The following MAP2K3 variants were observed in gnomAD, a reference collection of about 807,000 sequenced individuals.
The protein encoded by MAP2K3 is mitogen-activated protein kinase kinase 3.
A neutral mutation model predicts 46.4 loss-of-function variants in MAP2K3; 30 were observed. The ratio of observed to expected loss-of-function variants is 0.65; its 90% CI spans 0.48 to 0.88. The LOEUF (loss-of-function observed/expected upper bound fraction) is 0.88. MAP2K3 is among the 40% of genes least tolerant of loss of function. The pLI is 0.00. For synonymous variants in MAP2K3, 189 were observed against 176.3 expected (o/e 1.07, Z -0.57); for missense variants, 380 against 464.5 (o/e 0.82, Z 1.67).
chr17:21,311,900 TCC>T, intron 9 of MAP2K3: 2 of 445,722 alleles, frequency 4.5e-6, no homozygotes, highest in Non-Finnish European at 7.9e-6. Flanking sequence ...GTCCCACCAG[TCC>T]CGGTGTGGGC....
intron 1 of MAP2K3, among the ~76,000 whole-genome samples, chr17:21,292,717 C>T (rs553282278): frequency 2.3e-3 from 345 of 152,284 alleles, no homozygotes; most frequent in Middle Eastern, 6.8e-3. Context: ...AAACTCCTGA[C>T]CTCAAGTAAT....
intron 1 of MAP2K3, chr17:21,285,353 G>C: frequency 1.1e-6 from 1 of 914,228 alleles, no homozygotes; most frequent in Non-Finnish European, 1.3e-6. Flanking sequence ...CCTTCACCTG[G>C]GTCCTTGGGC....
chr17:21,306,498 T>G (rs1425974577), intron 9 of MAP2K3, among the ~76,000 whole-genome samples: 1 of 152,284 alleles, frequency 6.6e-6, no homozygotes, highest in Non-Finnish European at 1.5e-5. Context: ...GGAATTTTGT[T>G]GTTTTTGACA....
intron 8 of MAP2K3, 36 bp from the exon 9 acceptor site, chr17:21,305,015 G>C (rs1272172951): frequency 6.2e-7 from 1 of 1,613,994 alleles, no homozygotes. Context: ...GGCTTACCTG[G>C]GGCGGGTGTT....
chr17:21,304,354 G>T, intron 7 of MAP2K3, 72 bp from the exon 8 acceptor site: 1 of 1,612,196 alleles, frequency 6.2e-7, no homozygotes, highest in Non-Finnish European at 8.5e-7. Context: ...GGGGGGCACA[G>T]CTATGCAGAG....
chr17:21,298,599 C>A, intron 2 of MAP2K3, 120 bp downstream of exon 2: 2 of 1,505,790 alleles, frequency 1.3e-6, no homozygotes, highest in Non-Finnish European at 1.8e-6. Flanking sequence ...TCCTGGGCAG[C>A]CCCTGCTGTG....
intron 9 of MAP2K3, among the ~76,000 whole-genome samples, chr17:21,307,987 C>T (rs1417304271): frequency 3.3e-5 from 5 of 151,728 alleles, no homozygotes; most frequent in Non-Finnish European, 7.4e-5. Flanking sequence ...TCCCCAGTAG[C>T]TGGGATTATA....
chr17:21,293,658 C>A (rs1976074622), intron 1 of MAP2K3, among the ~76,000 whole-genome samples: 1 of 152,306 alleles, frequency 6.6e-6, no homozygotes, highest in Non-Finnish European at 1.5e-5. Flanking sequence ...CAGGCCCTGG[C>A]CAGGTGGCCT....
Position 21,300,677 on chromosome 17 carries a change from C to T in MAP2K3, c.279+19C>T. The T allele has an allele frequency of 6.2e-7, 1 of 1,602,628 alleles. No homozygotes were observed. The highest frequency in any genetic ancestry group is 2.2e-5 in the East Asian group (1 of 44,478). On this transcript the variant is annotated intron_variant, in intron 4 of 11. Coordinates refer to ENST00000342679, the MANE Select transcript of MAP2K3 (RefSeq NM_145109.3). ...CGTGAAGGTGAGCAGGGCCTGGAGG[C>T]AGCTGGGAGGGCTCCCTGGAGGAGG...
At chr17:21,307,568 G>A (rs1395436148) in intron 9 of MAP2K3, among the ~76,000 whole-genome samples, 1,068 of 76,128 alleles carry the variant, frequency 0.014, no homozygotes, top group African/African-American at 0.034. Context: ...GGTTGGGAGC[G>A]AGCGAAGAGA....
chr17:21,295,938 G>T, intron 1 of MAP2K3: 5 of 1,244,178 alleles, frequency 4.0e-6, no homozygotes, highest in Non-Finnish European at 4.2e-6. Flanking sequence ...AGGGGCTGGG[G>T]GCAAGGTCAA....
At chr17:21,295,089 G>T (rs893670998) in intron 1 of MAP2K3, among the ~76,000 whole-genome samples, 2 of 152,306 alleles carry the variant, frequency 1.3e-5, no homozygotes, top group African/African-American at 4.8e-5. Flanking sequence ...GCAAGACGAC[G>T]TAGTAGCTAG....
At chr17:21,300,440 C>A in intron 3 of MAP2K3, 105 bp from the exon 4 acceptor site, 1 of 1,196,170 alleles carries the variant, frequency 8.4e-7, no homozygotes, top group Non-Finnish European at 1.2e-6. Context: ...GAGCCCAGAT[C>A]TAATCAGCTG....
chr17:21,303,527 T>C (rs1389305384), intron 7 of MAP2K3, among the ~76,000 whole-genome samples: 1 of 152,312 alleles, frequency 6.6e-6, no homozygotes, highest in South Asian at 2.1e-4. Flanking sequence ...CATATAATCA[T>C]GTTCACACCC....
chr17:21,304,432 A>G lies in MAP2K3; in HGVS notation c.575A>G (p.Lys192Arg), dbSNP rs768792966. The part of the protein sequence containing the change: ...SKLSVIHRDV[K>R]PSNVLINKEG... ...GCATGTCCCTCCCTGGCAGATGTGA[A>G]GCCCTCCAATGTCCTTATCAACAAG... Residue 192 changes from lysine (K) to arginine (R), a missense_variant, in exon 8 of 12, where the codon AAG becomes AGG. Lys to Arg is a conservative substitution (Grantham distance 26). Around this residue, in one of 5 missense-constraint regions of MAP2K3, gnomAD observed 294 missense variants for 275.4 expected, o/e 1.07. Transcript: ENST00000342679. 1 of 1,614,318 alleles carries G rather than the reference A, an allele frequency of 6.2e-7. No homozygotes were observed. Among genetic ancestry groups the G allele is most frequent in the Non-Finnish European group, 8.5e-7 (1 of 1,180,058 alleles).
At chr17:21,305,014 G>T (rs746234759) in intron 8 of MAP2K3, 37 bp from the exon 9 acceptor site, 1 of 1,613,592 alleles carries the variant, frequency 6.2e-7, no homozygotes, top group East Asian at 2.2e-5. Flanking sequence ...GGGCTTACCT[G>T]GGGCGGGTGT....
At chr17:21,293,227 C>T in intron 1 of MAP2K3, among the ~76,000 whole-genome samples, 1 of 152,430 alleles carries the variant, frequency 6.6e-6, no homozygotes, top group East Asian at 1.9e-4. Context: ...AGGCTGCACC[C>T]TGATGCCCGC....
In MAP2K3 at chr17:21,303,143, C is replaced by G. The variant is rs767363518; in HGVS notation, c.517-40C>G. The G allele has an allele frequency of 9.3e-6, 15 of 1,613,416 alleles. No homozygotes were observed. The African/African-American group carries it at 1.9e-4, about 20-fold the overall frequency. On this transcript the variant is annotated intron_variant, in intron 6 of 11. Transcript: ENST00000342679. ...TCGTTTTTGACGTGACCAGGAATAA[C>G]AGAGTCCTGTCTCTTCCCTCCTCCC...
chr17:21,307,872 T>G (rs1976973897), intron 9 of MAP2K3, among the ~76,000 whole-genome samples: 1 of 133,670 alleles, frequency 7.5e-6, no homozygotes, highest in Non-Finnish European at 1.6e-5. Context: ...TTTTTTTTTT[T>G]TGAGACGGAG....
Sources: gnomAD v4.1 joint callset for allele counts (sites outside exome capture counted in the v4.1 genomes callset) on GRCh38, gnomAD v4.1.1 for gene constraint, gnomAD v4.1.1 regional missense constraint, MANE v1.5 for transcripts, NCBI Gene and HGNC (gene_info 2026-07-23, HGNC 2026-07-21) for gene names.